The following PYROXD2 variants were observed in gnomAD, a reference collection of about 807,000 sequenced individuals.
PYROXD2 encodes pyridine nucleotide-disulfide oxidoreductase domain-containing protein 2.
Under a neutral mutation model 71.1 loss-of-function variants are expected in PYROXD2, and 69 were observed. That is an observed-to-expected ratio of 0.97 (90% CI 0.80 to 1.19). PYROXD2 has a LOEUF of 1.19. Ranked by LOEUF, PYROXD2 falls within the 50% of genes most tolerant of loss-of-function variation. The pLI is 0.00. For synonymous variants in PYROXD2, 287 were observed against 302.7 expected (o/e 0.95, Z 0.54); for missense variants, 745 against 748.9 (o/e 0.99, Z 0.06).
Position 98,407,575 on chromosome 10 carries a change from G to A in PYROXD2, c.315+7C>T, listed in dbSNP as rs748387118. On this transcript the variant is annotated splice_region_variant and intron_variant, in intron 4 of 15. Coordinates refer to ENST00000370575, the MANE Select transcript of PYROXD2 (RefSeq NM_032709.3). ...TCCGTGCAATCGGGCCGGCGGGGGG[G>A]CCCTACCTTCAGCTCCAGATCAGTG... 3 of 1,613,486 alleles carry A rather than the reference G, an allele frequency of 1.9e-6. No homozygotes were observed. Among genetic ancestry groups the A allele is most frequent in the Admixed American group, 1.7e-5 (1 of 60,002 alleles).
At position 98,400,252 on chromosome 10, in the gene PYROXD2, A is replaced by G; in HGVS notation, c.321T>C (p.His107=). Residue 107 remains histidine, a synonymous_variant, in exon 5 of 16, where the codon CAT becomes CAC. Coordinates refer to ENST00000370575, the MANE Select transcript of PYROXD2 (RefSeq NM_032709.3). ...QIYTDLELKK[H]GLRLHLRNPY... Reference sequence around the variant, plus strand: ...GGTTTCGAAGATGAAGCCTCAGCCCATGTTTCTGCAAAACACAAATAGCAT... The same window carrying G: ...GGTTTCGAAGATGAAGCCTCAGCCCGTGTTTCTGCAAAACACAAATAGCAT... The G allele has an allele frequency of 1.2e-6, 2 of 1,608,332 alleles. No individual in the cohort carries two copies. Among genetic ancestry groups the G allele is most frequent in the Admixed American group, 1.7e-5 (1 of 59,438 alleles).
Position 98,415,149 on chromosome 10 carries a change from T to TG in PYROXD2, c.-15dup. ...ACTTGCAGCCATTTCTGCCCCAGGC[T>TG]GGGCCTTGCTAGGCAGGGAGTTTGC... On this transcript the variant is annotated 5_prime_UTR_variant, in exon 1 of 16. Transcript: ENST00000370575. 6.2e-7 allele frequency: 1 copy of TG among 1,610,842 alleles called. No homozygotes were observed. Among genetic ancestry groups the TG allele is most frequent in the Non-Finnish European group, 8.5e-7 (1 of 1,178,874 alleles).
At chr10:98,414,933 C>T (rs1843947472) in intron 1 of PYROXD2, 76 bp downstream of exon 1, 3 of 1,552,168 alleles carry the variant, frequency 1.9e-6, no homozygotes, top group Non-Finnish European at 2.6e-6. Flanking sequence ...GGCTCCCCCT[C>T]CCCCTCCCCA....
At chr10:98,413,277 TAAGA>T (rs1464062408) in intron 1 of PYROXD2, among the ~76,000 whole-genome samples, 2 of 152,224 alleles carry the variant, frequency 1.3e-5, no homozygotes, top group Non-Finnish European at 2.9e-5. Context: ...TGGTCAGGCT[TAAGA>T]AAGTGATGGG....
intron 13 of PYROXD2, 50 bp from the exon 14 acceptor site, chr10:98,387,357 G>A: frequency 7.4e-7 from 1 of 1,359,628 alleles, no homozygotes; most frequent in Non-Finnish European, 1.0e-6. Flanking sequence ...AGAAGAGGAG[G>A]CACTATGGGT....
rs1351144340 is a variant in PYROXD2, at chr10:98,392,502, G to A, written c.992C>T (p.Thr331Ile). 3.7e-6 allele frequency: 6 copies of A among 1,613,670 alleles called. No individual in the cohort carries two copies. The highest frequency in any genetic ancestry group is 3.4e-6 in the Non-Finnish European group (4 of 1,180,034). ...CVQGVVLEDG[T>I]EVRSKMVLSN... ...CAGCACCATTTTGCTTCTCACCTCT[G>A]TGCCATCTTCCAGCACAACTCCTTG... is the stretch of plus-strand genomic sequence containing the variant. Residue 331 changes from threonine (T) to isoleucine (I), a missense_variant, in exon 10 of 16, where the codon ACA becomes ATA. By Grantham distance (89) the Thr-to-Ile change is moderately conservative. Transcript: ENST00000370575.
At chr10:98,391,357 T>C (rs1024249056) in intron 10 of PYROXD2, among the ~76,000 whole-genome samples, 9 of 152,180 alleles carry the variant, frequency 5.9e-5, no homozygotes, top group African/African-American at 1.9e-4. Flanking sequence ...TGCAGGCCTC[T>C]TTTCACTACT....
chr10:98,400,667 C>T (rs1471461624), intron 4 of PYROXD2, among the ~76,000 whole-genome samples: 1 of 152,200 alleles, frequency 6.6e-6, no homozygotes, highest in Non-Finnish European at 1.5e-5. Context: ...TACCACATCA[C>T]AGCATGACAC....
At chr10:98,387,643 T>C (rs1474055644) in intron 13 of PYROXD2, among the ~76,000 whole-genome samples, 2 of 91,582 alleles carry the variant, frequency 2.2e-5, no homozygotes, top group Non-Finnish European at 4.3e-5. Context: ...TTTTTTTTTT[T>C]TTTTTTTGAG....
rs1843955300 is a variant in PYROXD2, at chr10:98,414,996, T to G, written c.127+13A>C. 6.2e-7 allele frequency: 1 copy of G among 1,611,636 alleles called. No homozygotes were observed. The highest frequency in any genetic ancestry group is 8.5e-7 in the Non-Finnish European group (1 of 1,178,798). On this transcript the variant is annotated intron_variant, in intron 1 of 15. Transcript: ENST00000370575. ...GCCCCTCAGCTCTGGCCCGGCCTGC[T>G]TTACCACTTTACCTGCTCCTATCAC...
intron 5 of PYROXD2, among the ~76,000 whole-genome samples, 179 bp downstream of exon 5, chr10:98,399,923 C>T (rs1843332728): frequency 6.6e-6 from 1 of 152,234 alleles, no homozygotes; most frequent in Admixed American, 6.5e-5. Flanking sequence ...CATCCTCCAC[C>T]CGCTTCTCTT....
Position 98,410,940 on chromosome 10 carries a change from GC to G in PYROXD2, c.145del (p.Ala49LeufsTer10), listed in dbSNP as rs781478459. 7.0e-5 allele frequency: 109 copies of G among 1,564,162 alleles called. No individual in the cohort carries two copies. Among genetic ancestry groups the G allele is most frequent in the Non-Finnish European group, 9.4e-5 (109 of 1,153,660 alleles). On this transcript the variant is annotated frameshift_variant and splice_region_variant, in exon 2 of 16. Transcript: ENST00000370575. LOFTEE classifies it high-confidence loss of function. Reference sequence around the variant, plus strand: ...GGGATCAAGTGGGGAGGTACTCACAGCCACCAGTCCGTTGTGTCCTGCAACA... The same window carrying G: ...GGGATCAAGTGGGGAGGTACTCACAGCACCAGTCCGTTGTGTCCTGCAACA... The part of the protein sequence containing the change: ...VIGAGHNGLV[A>X]AAYLQRLGVN...
rs898691844 is a variant in PYROXD2 at position 98,393,055 on chromosome 10, C to T, written c.814G>A (p.Gly272Ser). 20 of 1,591,606 alleles carry T rather than the reference C, an allele frequency of 1.3e-5. No homozygotes were observed. Among genetic ancestry groups the T allele is most frequent in the East Asian group, 1.1e-4 (5 of 44,534 alleles). ...CAGGCCCCCTGCATTCCCTCCAGGC[C>T]CCCCATCACATGGTGCAGCAGCACA... Reference protein sequence around the residue: ...GYVLLHHVMGGLEGMQGAWGY... With the variant: ...GYVLLHHVMGSLEGMQGAWGY... The change falls in exon 9 of 16, where the codon GGC (glycine) becomes AGC (serine). Residue 272 changes from glycine (G) to serine (S), a missense_variant. Physicochemically the swap from Gly to Ser is moderately conservative, Grantham distance 56. Coordinates refer to ENST00000370575, the MANE Select transcript of PYROXD2 (RefSeq NM_032709.3).
intron 5 of PYROXD2, among the ~76,000 whole-genome samples, chr10:98,398,825 A>C (rs965691799): frequency 6.6e-6 from 1 of 152,026 alleles, no homozygotes; most frequent in African/African-American, 2.4e-5. Context: ...ACCACCAAAG[A>C]AGCACTTTTA....
chr10:98,397,399 A>G lies in PYROXD2; in HGVS notation c.571T>C (p.Ser191Pro). ...AGCGACCTCATCCTTTGCAGCAAGG[A>G]GCCATGCTGGAAGGCCGCCATGTCC... The part of the protein sequence containing the change: ...PVDMAAFQHG[S>P]LLQRMRSLST... The change falls in exon 6 of 16, where the codon TCC (serine) becomes CCC (proline). Residue 191 changes from serine (S) to proline (P), a missense_variant. Coordinates refer to ENST00000370575, the MANE Select transcript of PYROXD2 (RefSeq NM_032709.3). 1.2e-6 allele frequency: 2 copies of G among 1,613,330 alleles called. No individual in the cohort carries two copies. The highest frequency in any genetic ancestry group is 1.7e-6 in the Non-Finnish European group (2 of 1,179,540).
chr10:98,397,305 AG>A, intron 6 of PYROXD2, 39 bp downstream of exon 6: 1 of 1,528,022 alleles, frequency 6.5e-7, no homozygotes. Flanking sequence ...ACCTCCTTGA[AG>A]GTCACTCATC....
In PYROXD2 at chr10:98,394,855, T is replaced by C. The variant is rs140684614; in HGVS notation, c.785+341A>G. Among the ~76,000 whole-genome samples, 591 of 151,924 alleles carry C rather than the reference T, an allele frequency of 3.9e-3. 2 individuals are homozygous for C. The highest frequency in any genetic ancestry group is 0.014 in the African/African-American group (573 of 41,408). Reference sequence around the variant, plus strand: ...AGAAAAGAAGATATTAATTTTGAGCTATCAAGCGGGAGGTGGGAGAGAGGC... The same window carrying C: ...AGAAAAGAAGATATTAATTTTGAGCCATCAAGCGGGAGGTGGGAGAGAGGC... On this transcript the variant is annotated intron_variant, in intron 8 of 15. Transcript: ENST00000370575.
chr10:98,397,029 C>G (rs927794419), intron 6 of PYROXD2, among the ~76,000 whole-genome samples: 1 of 152,168 alleles, frequency 6.6e-6, no homozygotes, highest in South Asian at 2.1e-4. Context: ...CTGGCTAGTG[C>G]GATCACACAC....
chr10:98,390,108 G>C (rs772048599), intron 12 of PYROXD2, among the ~76,000 whole-genome samples: 17 of 152,298 alleles, frequency 1.1e-4, no homozygotes, highest in Non-Finnish European at 2.9e-5. Context: ...ACAGCGGACA[G>C]GATGGAAAGG....
Sources: allele counts gnomAD v4.1 joint callset (sites outside exome capture counted in the v4.1 genomes callset), GRCh38; gene constraint gnomAD v4.1.1; transcripts MANE v1.5; gene names NCBI Gene and HGNC (gene_info 2026-07-23, HGNC 2026-07-21).